RBMS3: variants seen among roughly 807,000 people sequenced by gnomAD.
RBMS3 encodes RNA binding motif single stranded interacting protein 3, also known as RNA-binding motif, single-stranded-interacting protein 3.
A neutral mutation model predicts 66.8 loss-of-function variants in RBMS3; 27 were observed. That is an observed-to-expected ratio of 0.40 (90% confidence interval 0.30 to 0.56). The LOEUF (loss-of-function observed/expected upper bound fraction) is 0.56. Among genes scored for constraint, RBMS3 ranks in the 20% least tolerant of loss-of-function variants. RBMS3 has a pLI of 0.40. For synonymous variants in RBMS3, 188 were observed against 183.0 expected (o/e 1.03, Z -0.22); for missense variants, 513 against 549.5 (o/e 0.93, Z 0.66).
chr3:29,949,487 C>G (rs1344413309), intron 12 of RBMS3, among the ~76,000 whole-genome samples: 1 of 151,810 alleles, frequency 6.6e-6, no homozygotes, highest in Non-Finnish European at 1.5e-5. Flanking sequence ...TACCCCTGCT[C>G]TCTCTAATCA....
chr3:29,379,923 T>A (rs1022356527), intron 1 of RBMS3, among the ~76,000 whole-genome samples: 1 of 152,076 alleles, frequency 6.6e-6, no homozygotes, highest in South Asian at 2.1e-4. Flanking sequence ...GAGGAAGACT[T>A]AATTTAGTCA....
chr3:29,786,636 C>G (rs1280131685), intron 6 of RBMS3, among the ~76,000 whole-genome samples: 1 of 152,038 alleles, frequency 6.6e-6, no homozygotes, highest in Non-Finnish European at 1.5e-5. Context: ...ATTGGCAAGC[C>G]ACATGTAGAA....
intron 6 of RBMS3, among the ~76,000 whole-genome samples, chr3:29,849,191 T>TGTGA (rs2058867669): frequency 6.6e-6 from 1 of 151,542 alleles, no homozygotes; most frequent in South Asian, 2.1e-4. Flanking sequence ...TGTGTGTGTG[T>TGTGA]GTGTGTGTGT....
chr3:29,904,886 G>A (rs917071289), intron 10 of RBMS3, among the ~76,000 whole-genome samples: 1 of 151,710 alleles, frequency 6.6e-6, no homozygotes. Context: ...TTTCTTTTGA[G>A]GTACTGATCT....
chr3:29,502,986 A>G (rs2044034836), intron 3 of RBMS3, among the ~76,000 whole-genome samples: 1 of 152,096 alleles, frequency 6.6e-6, no homozygotes, highest in Non-Finnish European at 1.5e-5. Flanking sequence ...GATAAGGTTA[A>G]GACCTCTGAG....
At chr3:29,922,893 C>T (rs1015234753) in intron 10 of RBMS3, among the ~76,000 whole-genome samples, 4 of 152,040 alleles carry the variant, frequency 2.6e-5, no homozygotes, top group Admixed American at 1.3e-4. Flanking sequence ...GATAAGCTGG[C>T]GGTGTAAACA....
chr3:29,561,945 A>C (rs193055943), intron 3 of RBMS3, among the ~76,000 whole-genome samples: 28 of 151,986 alleles, frequency 1.8e-4, no homozygotes, highest in African/African-American at 6.3e-4. Flanking sequence ...TCATAAACTT[A>C]AGTTTGTTTT....
intron 1 of RBMS3, among the ~76,000 whole-genome samples, chr3:29,287,839 TAGAC>T (rs1358402109): frequency 6.6e-6 from 1 of 152,068 alleles, no homozygotes; most frequent in African/African-American, 2.4e-5. Context: ...TTTCAGATTT[TAGAC>T]AGAAGTAATT....
chr3:29,406,332 AT>A (rs2040015829), intron 1 of RBMS3, among the ~76,000 whole-genome samples: 1 of 152,190 alleles, frequency 6.6e-6, no homozygotes, highest in Non-Finnish European at 1.5e-5. Context: ...GTGGGATGAT[AT>A]TTTTAGTGAT....
At chr3:29,845,689 T>C (rs2058759955) in intron 6 of RBMS3, among the ~76,000 whole-genome samples, 1 of 152,216 alleles carries the variant, frequency 6.6e-6, no homozygotes, top group South Asian at 2.1e-4. Context: ...TCTCATAATA[T>C]TTGAATTCTG....
At chr3:29,556,301 G>C (rs1236398998) in intron 3 of RBMS3, 3 of 152,172 alleles carry the variant, frequency 2.0e-5, no homozygotes, top group African/African-American at 7.2e-5. Context: ...AGTATATGCA[G>C]ATAAGAAAAT....
intron 1 of RBMS3, among the ~76,000 whole-genome samples, chr3:29,303,085 A>G (rs548431054): frequency 1.3e-5 from 2 of 152,030 alleles, no homozygotes; most frequent in African/African-American, 2.4e-5. Context: ...CAAGTGGTGG[A>G]CCCCTGAACA....
chr3:29,525,515 T>C (rs1177436094), intron 3 of RBMS3, among the ~76,000 whole-genome samples: 3 of 152,196 alleles, frequency 2.0e-5, no homozygotes, highest in Non-Finnish European at 2.9e-5. Context: ...GCAGCAAATC[T>C]TGCAGCTTAT....
chr3:29,403,103 T>C (rs1360141391), intron 1 of RBMS3, among the ~76,000 whole-genome samples: 1 of 151,818 alleles, frequency 6.6e-6, no homozygotes, highest in Non-Finnish European at 1.5e-5. Context: ...TCAGACAAGA[T>C]CTGTTCTCAA....
At chr3:29,964,374 G>A (rs1696686493) in intron 12 of RBMS3, among the ~76,000 whole-genome samples, 1 of 152,188 alleles carries the variant, frequency 6.6e-6, no homozygotes, top group Non-Finnish European at 1.5e-5. Flanking sequence ...AGAAAGTAGA[G>A]TGGTATGATA....
intron 4 of RBMS3, among the ~76,000 whole-genome samples, chr3:29,659,092 G>A (rs547803403): frequency 2.0e-5 from 3 of 152,144 alleles, no homozygotes; most frequent in Non-Finnish European, 4.4e-5. Flanking sequence ...GCTGGGATTC[G>A]AGGCATGAGC....
chr3:29,772,758 G>C (rs1576760921), intron 6 of RBMS3, among the ~76,000 whole-genome samples: 1 of 151,904 alleles, frequency 6.6e-6, no homozygotes, highest in African/African-American at 2.4e-5. Flanking sequence ...ACTAAAGTAA[G>C]GCCAAATAAA....
rs140668737 is a variant in RBMS3, at chr3:29,993,981, G to A, written c.1307+2772G>A. 3.7e-3 allele frequency among the ~76,000 whole-genome samples: 561 copies of A among 152,330 alleles called. 4 individuals are homozygous for A. The highest frequency in any genetic ancestry group is 0.013 in the African/African-American group (522 of 41,580). On this transcript the variant is annotated intron_variant, in intron 14 of 14. Transcript: ENST00000383767. ...GTCTACAGCTCCCAGTGTGAGCGAC[G>A]CAGAAGATGGGTGATTTCTGCATTT...
chr3:29,760,180 G>T (rs748628162), intron 5 of RBMS3, among the ~76,000 whole-genome samples: 1 of 151,920 alleles, frequency 6.6e-6, no homozygotes, highest in Non-Finnish European at 1.5e-5. Context: ...TTTTAAGTGG[G>T]TGGAGTGGGT....
Sources: gnomAD v4.1 joint callset for allele counts (sites outside exome capture counted in the v4.1 genomes callset) on GRCh38, gnomAD v4.1.1 for gene constraint, MANE v1.5 for transcripts, NCBI Gene and HGNC (gene_info 2026-07-23, HGNC 2026-07-21) for gene names.